RNASE9: variants seen among roughly 807,000 people sequenced by gnomAD.
RNASE9 encodes ribonuclease A family member 9 (inactive), also known as inactive ribonuclease-like protein 9.
For synonymous variants in RNASE9, 95 were observed against 87.6 expected (o/e 1.08, Z -0.47); for missense variants, 263 against 247.1 (o/e 1.06, Z -0.43).
chr14:20,556,285 G>A (rs755729910), exon 3 of RNASE9: 17 of 585,574 alleles, frequency 2.9e-5, no homozygotes, highest in South Asian at 1.4e-4. Context: ...TCAGAGCACC[G>A]TCTGTGAACC....
At position 20,557,002 on chromosome 14, in the gene RNASE9, A is replaced by G. The variant is rs74581911; in HGVS notation, c.68T>C (p.Leu23Pro). The G allele has an allele frequency of 4.4e-3, 7,144 of 1,613,536 alleles. 250 individuals carry two copies. In the African/African-American group the frequency reaches 0.083, roughly 19 times the overall value. ...TGTATCCACCTCTTGAAACTGCACC[A>G]GCTGCAGCAGCTGCTGCGGCAATAG... Residue 23 changes from leucine to proline, a missense_variant, in exon 3 of 3, where the codon CTG (leucine) becomes CCG (proline). Transcript: ENST00000555230.
chr14:20,557,150 C>G, exon 3 of RNASE9: 1 of 1,424,816 alleles, frequency 7.0e-7, no homozygotes, highest in Non-Finnish European at 9.5e-7. Context: ...GTGTGGGGCA[C>G]AGTTATGCCA....
chr14:20,558,545 T>A (rs779084887), exon 3 of RNASE9: 4 of 1,544,492 alleles, frequency 2.6e-6, no homozygotes, highest in Non-Finnish European at 3.5e-6. Context: ...CACACTGTCA[T>A]CAGTGTCCTC....
exon 3 of RNASE9, chr14:20,557,349 A>G (rs753299125): frequency 1.3e-5 from 5 of 377,754 alleles, no homozygotes; most frequent in Non-Finnish European, 2.4e-5. Context: ...GGTAAGGAGG[A>G]AGAAAAGGAA....
exon 3 of RNASE9, chr14:20,557,121 G>T (rs1883737649): frequency 6.5e-7 from 1 of 1,542,728 alleles, no homozygotes; most frequent in Admixed American, 2.1e-5. Flanking sequence ...TTGTGATAAT[G>T]TGCTTGCTTC....
At chr14:20,558,130 T>C in exon 3 of RNASE9, 1 of 294,010 alleles carries the variant, frequency 3.4e-6, no homozygotes, top group South Asian at 3.9e-5. Flanking sequence ...CCATGCTCCA[T>C]GAAGAACCAA....
chr14:20,557,044 T>G lies in RNASE9; in HGVS notation c.26A>C (p.His9Pro), dbSNP rs111738679. 6,549 of 1,610,798 alleles carry G rather than the reference T, an allele frequency of 4.1e-3. 193 individuals are homozygous for G. The African/African-American group carries it at 0.073, about 18-fold the overall frequency. The change falls in exon 3 of 3, where the codon CAC becomes CCC. Residue 9 changes from histidine to proline, a missense_variant. Transcript: ENST00000555230. ...CGGCAATAGAAGCAGGGGCAGTGGGTGTGTGGTGATGAGAGTTCTCATCAT... is the reference window on the plus strand; with the variant it reads ...CGGCAATAGAAGCAGGGGCAGTGGGGGTGTGGTGATGAGAGTTCTCATCAT...
At chr14:20,560,747 T>C (rs930992489) in intron 1 of RNASE9, 127 bp downstream of exon 1, 1 of 152,084 alleles carries the variant, frequency 6.6e-6, no homozygotes, top group Non-Finnish European at 1.5e-5. Context: ...AAGTTTTAGA[T>C]CATCTGAGAA....
exon 3 of RNASE9, chr14:20,558,420 G>A: frequency 1.4e-6 from 1 of 728,996 alleles, no homozygotes; most frequent in Non-Finnish European, 2.5e-6. Flanking sequence ...GGAGTGCAGA[G>A]AATGGGAAAG....
exon 3 of RNASE9, chr14:20,556,405 A>G (rs1415617271): frequency 1.5e-6 from 2 of 1,329,102 alleles, no homozygotes; most frequent in African/African-American, 2.9e-5. Context: ...AAGGATCAGT[A>G]TGGAGAGAAA....
intron 2 of RNASE9, among the ~76,000 whole-genome samples, chr14:20,559,079 T>A (rs1037749156): frequency 6.6e-6 from 1 of 152,126 alleles, no homozygotes; most frequent in African/African-American, 2.4e-5. Context: ...TTATTGTGTT[T>A]TGATATGCCA....
exon 3 of RNASE9, chr14:20,558,287 C>T: frequency 6.9e-6 from 4 of 576,536 alleles, no homozygotes; most frequent in Non-Finnish European, 1.2e-5. Context: ...TGGACAGCCT[C>T]CTGTTCTAGG....
At chr14:20,556,231 C>T in exon 3 of RNASE9, 1 of 502,356 alleles carries the variant, frequency 2.0e-6, no homozygotes, top group East Asian at 3.0e-5. Context: ...ATCCGTAACA[C>T]ATTCAAGGCA....
intron 1 of RNASE9, chr14:20,560,235 A>G (rs1457148220): frequency 6.6e-6 from 1 of 152,166 alleles, no homozygotes; most frequent in Non-Finnish European, 1.5e-5. Context: ...TTATATAATA[A>G]AGCATCAATA....
exon 3 of RNASE9, chr14:20,558,486 T>C: frequency 7.8e-7 from 1 of 1,274,974 alleles, no homozygotes; most frequent in African/African-American, 1.5e-5. Flanking sequence ...GGGGCGGCCA[T>C]GTGCCACACT....
intron 2 of RNASE9, among the ~76,000 whole-genome samples, chr14:20,559,199 C>T (rs1883846803): frequency 6.6e-6 from 1 of 152,010 alleles, no homozygotes; most frequent in South Asian, 2.1e-4. Context: ...GGAATCCTCC[C>T]ACGGCCTATC....
chr14:20,558,131 GAA>G (rs58199215), exon 3 of RNASE9: 4,906 of 295,428 alleles, frequency 0.017, 238 homozygotes, highest in African/African-American at 0.098. Flanking sequence ...CATGCTCCAT[GAA>G]GAACCAATTA....
exon 3 of RNASE9, chr14:20,557,176 G>A (rs988126244): frequency 2.4e-6 from 3 of 1,233,662 alleles, no homozygotes; most frequent in Non-Finnish European, 3.4e-6. Context: ...TGCTGTTCTG[G>A]GCTCTAAGAT....
At position 20,556,434 on chromosome 14, in the gene RNASE9, C is replaced by A. The variant is rs200190063; in HGVS notation, c.*18G>T. ...AGAGAAATATTCCTCCCACCCTAAG[C>A]TCTCAGAGAACGCTCTGCTAGGGCG... On this transcript the variant is annotated 3_prime_UTR_variant, in exon 3 of 3. Transcript: ENST00000555230. The A allele has an allele frequency of 4.0e-5, 62 of 1,544,524 alleles. 1 individual carries two copies. Among genetic ancestry groups the A allele is most frequent in the Admixed American group, 6.9e-5 (4 of 57,624 alleles).
Sources: gnomAD v4.1 joint callset for allele counts (sites outside exome capture counted in the v4.1 genomes callset) on GRCh38, gnomAD v4.1.1 for gene constraint, MANE v1.5 for transcripts, NCBI Gene and HGNC (gene_info 2026-07-23, HGNC 2026-07-21) for gene names.